Variants in RHBDF1 observed in about 807,000 individuals in gnomAD.
RHBDF1 encodes the protein inactive rhomboid protein 1.
Under a neutral mutation model 98.6 loss-of-function variants are expected in RHBDF1, and 80 were observed. The ratio of observed to expected loss-of-function variants is 0.81; its 90% CI spans 0.68 to 0.98. RHBDF1 has a LOEUF of 0.98. Ranked by LOEUF, RHBDF1 falls within the 50% of genes least tolerant of loss-of-function variation. The pLI is 0.00. For missense variants in RHBDF1, 1,116 were observed against 1,198.3 expected, an observed-to-expected ratio of 0.93 and a Z score of 1.01; for synonymous variants, 512 against 486.8, an observed-to-expected ratio of 1.05 and a Z score of -0.68.
chr16:61,575 A>C lies in RHBDF1; in HGVS notation c.1320+10T>G, dbSNP rs780978272. On this transcript the variant is annotated intron_variant, in intron 9 of 17. Coordinates refer to ENST00000262316, the MANE Select transcript of RHBDF1 (RefSeq NM_022450.5). The stretch of plus-strand genomic sequence containing the variant: ...ACTCGTCTGGGCCCAGGGAAGGCAC[A>C]GGGGCTCACCGAGTCCACCGTCTCA... 3 of 1,612,604 alleles carry C rather than the reference A, an allele frequency of 1.9e-6. No homozygotes were observed. The highest frequency in any genetic ancestry group is 8.5e-7 in the Non-Finnish European group (1 of 1,179,504).
upstream of RHBDF1, chr16:72,696 G>A (rs951815262): frequency 2.4e-5 from 24 of 982,798 alleles, no homozygotes; most frequent in African/African-American, 3.5e-5. Flanking sequence ...CGCTGACTCA[G>A]AGCTCAGGAA....
rs778357157 is a variant in RHBDF1, at chr16:59,477, C to G, written c.1835G>C (p.Arg612Pro). 6.2e-7 allele frequency: 1 copy of G among 1,613,482 alleles called. No homozygotes were observed. Among genetic ancestry groups the G allele is most frequent in the East Asian group, 2.2e-5 (1 of 44,872 alleles). Residue 612 changes from arginine to proline, a missense_variant, in exon 15 of 18, where the codon CGG (arginine) becomes CCG (proline). Coordinates refer to ENST00000262316, the MANE Select transcript of RHBDF1 (RefSeq NM_022450.5). Reference protein sequence around the residue: ...GTKGRCEITSREYCDFMRGYF... With the variant: ...GTKGRCEITSPEYCDFMRGYF... The stretch of plus-strand genomic sequence containing the variant: ...GCCCCTCATGAAGTCACAGTACTCC[C>G]GGGAGGTGATCTCACACCTAGAAAG...
intron 3 of RHBDF1, chr16:64,402 G>T: frequency 7.1e-7 from 1 of 1,400,132 alleles, no homozygotes; most frequent in Non-Finnish European, 9.5e-7. Flanking sequence ...ACCCAAGAGG[G>T]GCAGAGTGTG....
At chr16:71,855 G>A (rs1226904004) in intron 1 of RHBDF1, among the ~76,000 whole-genome samples, 10 of 152,250 alleles carry the variant, frequency 6.6e-5, no homozygotes, top group Non-Finnish European at 1.5e-4. Flanking sequence ...GCCGGGAGAA[G>A]GCCTGTCCCC....
rs1368356953 is a variant in RHBDF1 at position 61,881 on chromosome 16, C to T, written c.1125G>A (p.Met375Ile). 11 of 1,609,106 alleles carry T rather than the reference C, an allele frequency of 6.8e-6. No homozygotes were observed. The highest frequency in any genetic ancestry group is 9.3e-6 in the Non-Finnish European group (11 of 1,179,802). Reference protein sequence around the residue: ...AREKRPYGLGMVGRLTNRTYR... With the variant: ...AREKRPYGLGIVGRLTNRTYR... ...AGGTGCGGTTGGTGAGCCGTCCCAC[C>T]ATGCCCAGCCCATACGGCCGCTTCT... Residue 375 changes from methionine to isoleucine, a missense_variant, in exon 8 of 18, where the codon ATG becomes ATA. Transcript: ENST00000262316.
chr16:64,106 G>C (rs1897753378), intron 3 of RHBDF1: 1 of 633,454 alleles, frequency 1.6e-6, no homozygotes, highest in East Asian at 3.6e-5. Context: ...AAGGAGCTGA[G>C]AGCTCAACCC....
At chr16:61,083 G>C in intron 11 of RHBDF1, 37 bp downstream of exon 11, 6 of 1,510,196 alleles carry the variant, frequency 4.0e-6, no homozygotes, top group Non-Finnish European at 5.3e-6. Context: ...CGAACACCGG[G>C]CAGACGAAGG....
rs1184863183 is a variant in RHBDF1 at position 64,927 on chromosome 16, A to T, written c.89T>A (p.Leu30Gln). 1 of 1,603,982 alleles carries T rather than the reference A, an allele frequency of 6.2e-7. No homozygotes were observed. The highest frequency in any genetic ancestry group is 1.7e-5 in the Admixed American group (1 of 59,374). Reference sequence around the variant, plus strand: ...CAGGAAGCTGGGCTCTTCTGCCGTCAGGGGCACCGCAGAGGGAATGTCCAG... The same window carrying T: ...CAGGAAGCTGGGCTCTTCTGCCGTCTGGGGCACCGCAGAGGGAATGTCCAG... ...LKLDIPSAVP[L>Q]TAEEPSFLQP... Residue 30 changes from leucine (L) to glutamine (Q), a missense_variant, in exon 2 of 18, where the codon CTG (leucine) becomes CAG (glutamine). Transcript: ENST00000262316.
chr16:59,887 C>T (rs1036831098), intron 13 of RHBDF1, 61 bp from the exon 14 acceptor site: 104 of 1,610,746 alleles, frequency 6.5e-5, no homozygotes, highest in Middle Eastern at 1.7e-4. Flanking sequence ...CCCCACACCA[C>T]GTTTGGGGGT....
Position 58,390 on chromosome 16 carries a change from A to C in RHBDF1, c.2518T>G (p.Phe840Val), listed in dbSNP as rs771194144. 1 of 1,613,850 alleles carries C rather than the reference A, an allele frequency of 6.2e-7. No homozygotes were observed. The highest frequency in any genetic ancestry group is 8.5e-7 in the Non-Finnish European group (1 of 1,180,012). ...EWCEFLTCIP[F>V]TDKFCEKYEL... ...TACTTCTCACAGAACTTGTCAGTGA[A>C]GGGGATGCAGGTGAGGAACTCACAC... is the stretch of plus-strand genomic sequence containing the variant. Residue 840 changes from phenylalanine (F) to valine (V), a missense_variant, in exon 18 of 18, where the codon TTC (phenylalanine) becomes GTC (valine). Transcript: ENST00000262316.
In RHBDF1 at chr16:62,884, C is replaced by G. The variant is rs200899703; in HGVS notation, c.686G>C (p.Arg229Thr). 1.2e-6 allele frequency: 2 copies of G among 1,613,852 alleles called. No homozygotes were observed. The highest frequency in any genetic ancestry group is 1.7e-6 in the Non-Finnish European group (2 of 1,179,954). Reference protein sequence around the residue: ...AAALMKGRSVRDGTFRRAQRR... With the variant: ...AAALMKGRSVTDGTFRRAQRR... The stretch of plus-strand genomic sequence containing the variant: ...CTGTGCCCGGCGAAAGGTGCCATCC[C>G]TAACGGAGCGGCCCTGGGGACGGGG... Residue 229 changes from arginine (R) to threonine (T), a missense_variant, in exon 6 of 18, where the codon AGG becomes ACG. By Grantham distance (71) the Arg-to-Thr change is moderately conservative. Transcript: ENST00000262316.
At chr16:66,381 G>A (rs1039084649) in intron 1 of RHBDF1, among the ~76,000 whole-genome samples, 10 of 152,156 alleles carry the variant, frequency 6.6e-5, no homozygotes, top group African/African-American at 9.7e-5. Flanking sequence ...GGCTTGCCTC[G>A]CTCACGGTCA....
rs1219083487 is a variant in RHBDF1 at position 59,109 on chromosome 16, C to T, written c.2013G>A (p.Val671=). The T allele has an allele frequency of 5.0e-6, 8 of 1,613,426 alleles. No homozygotes were observed. The East Asian group carries it at 1.6e-4, about 31-fold the overall frequency. Residue 671 remains valine (V), a synonymous_variant, in exon 17 of 18, where the codon GTG becomes GTA. Transcript: ENST00000262316. ...FLHAGILHCL[V]SICFQMTVLR... ...GGACAGTCATCTGGAAGCAGATGGA[C>T]ACCAGGCAGTGCAAGATCCTGTAGT...
At position 64,005 on chromosome 16, in the gene RHBDF1, C is replaced by T. The variant is rs959984964; in HGVS notation, c.249-205G>A. 16 of 721,402 alleles carry T rather than the reference C, an allele frequency of 2.2e-5. No individual in the cohort carries two copies. The Middle Eastern group carries it at 6.9e-4, about 31-fold the overall frequency. The allele number at this position is 721,402 out of a possible 1,614,324, so 44.7% of individuals were successfully genotyped here. On this transcript the variant is annotated intron_variant, in intron 3 of 17. Transcript: ENST00000262316. ...TAGCCAACTCCAAGTTTCCACTAGA[C>T]CGCAGCTGGCCTTGCCCGGTTGAGT...
At chr16:64,158 G>T in intron 3 of RHBDF1, 1 of 895,538 alleles carries the variant, frequency 1.1e-6, no homozygotes, top group Non-Finnish European at 1.6e-6. Flanking sequence ...TCAGACAGCA[G>T]GTGCTTACGG....
chr16:65,099 C>A (rs1291701447), intron 1 of RHBDF1, 60 bp from the exon 2 acceptor site: 1 of 1,470,126 alleles, frequency 6.8e-7, no homozygotes, highest in African/African-American at 1.4e-5. Flanking sequence ...ATTCATTGCA[C>A]CCAGACCCGG....
Position 63,696 on chromosome 16 carries a change from G to A in RHBDF1, c.353C>T (p.Pro118Leu). The change falls in exon 4 of 18, where the codon CCC (proline) becomes CTC (leucine). Residue 118 changes from proline (P) to leucine (L), a missense_variant. By Grantham distance (98) the Pro-to-Leu change is moderately conservative. Transcript: ENST00000262316. ...CAGGTCCAGCTCCCGGAGGACCTGG[G>A]GCTTCAGCTTCCCGTAGCGCTGGCT... The part of the protein sequence containing the change: ...HCSQRYGKLK[P>L]QVLRELDLPS... 3 of 1,613,542 alleles carry A rather than the reference G, an allele frequency of 1.9e-6. No individual in the cohort carries two copies. Among genetic ancestry groups the A allele is most frequent in the Non-Finnish European group, 2.5e-6 (3 of 1,179,974 alleles).
At chr16:71,128 C>A (rs1897957303) in intron 1 of RHBDF1, among the ~76,000 whole-genome samples, 1 of 152,134 alleles carries the variant, frequency 6.6e-6, no homozygotes, top group African/African-American at 2.4e-5. Flanking sequence ...TCCCCCTAAA[C>A]CAAGAGCGCA....
chr16:58,415 C>G lies in RHBDF1; in HGVS notation c.2493G>C (p.Trp831Cys). 1.2e-6 allele frequency: 2 copies of G among 1,613,994 alleles called. No individual in the cohort carries two copies. The highest frequency in any genetic ancestry group is 1.7e-6 in the Non-Finnish European group (2 of 1,180,034). Residue 831 changes from tryptophan (W) to cysteine (C), a missense_variant, in exon 18 of 18, where the codon TGG (tryptophan) becomes TGC (cysteine). Transcript: ENST00000262316. ...LFYVYPVRCE[W>C]CEFLTCIPFT... ...AGGGGATGCAGGTGAGGAACTCACACCACTCACAGCGGACAGGATAGACGT... is the reference window on the plus strand; with the variant it reads ...AGGGGATGCAGGTGAGGAACTCACAGCACTCACAGCGGACAGGATAGACGT...
Sources: gnomAD v4.1 joint callset for allele counts (sites outside exome capture counted in the v4.1 genomes callset) on GRCh38, gnomAD v4.1.1 for gene constraint, MANE v1.5 for transcripts, NCBI Gene and HGNC (gene_info 2026-07-23, HGNC 2026-07-21) for gene names.